Variants in GPM6A observed in about 807,000 individuals in gnomAD.
GPM6A encodes the protein neuronal membrane glycoprotein M6-a.
Under a neutral mutation model 32.1 loss-of-function variants are expected in GPM6A, and 7 were observed. The observed-to-expected ratio is 0.22, with a 90% confidence interval of 0.12 to 0.41. The LOEUF (loss-of-function observed/expected upper bound fraction) is 0.41. GPM6A is among the 10% of genes least tolerant of loss of function. The pLI is 1.00. For missense variants in GPM6A, 235 were observed against 347.2 expected (o/e 0.68, Z 2.57); for synonymous variants, 130 against 123.4 (o/e 1.05, Z -0.35).
intron 1 of GPM6A, among the ~76,000 whole-genome samples, chr4:176,001,598 T>C (rs764491338): frequency 1.5e-4 from 23 of 152,272 alleles, no homozygotes; most frequent in Non-Finnish European, 2.5e-4. Context: ...CCTGGAAACT[T>C]GAGCGAAGCT....
chr4:175,839,883 C>T (rs1182274833), intron 1 of GPM6A, among the ~76,000 whole-genome samples: 1 of 152,124 alleles, frequency 6.6e-6, no homozygotes, highest in African/African-American at 2.4e-5. Context: ...TAATATTACT[C>T]TACCATGACA....
At chr4:175,799,583 T>C (rs976146182) in intron 1 of GPM6A, among the ~76,000 whole-genome samples, 9 of 151,880 alleles carry the variant, frequency 5.9e-5, no homozygotes, top group African/African-American at 2.2e-4. Context: ...AAAGTAAAAA[T>C]GGAAATATTG....
In GPM6A at chr4:175,812,187, G is replaced by A. The variant is rs779248511; in HGVS notation, c.37+4C>T. ...GTTACAAATAAACGCTTTTAGCACA[G>A]TACCTTTTTGTGTCTGTCCCTCTTC... On this transcript the variant is annotated splice_donor_region_variant and intron_variant, in intron 1 of 6. Transcript: ENST00000393658. 3 of 1,576,704 alleles carry A rather than the reference G, an allele frequency of 1.9e-6. No individual in the cohort carries two copies. The highest frequency in any genetic ancestry group is 1.7e-6 in the Non-Finnish European group (2 of 1,152,298).
chr4:175,866,194 C>T (rs1017935360), intron 1 of GPM6A, among the ~76,000 whole-genome samples: 16 of 152,054 alleles, frequency 1.1e-4, no homozygotes, highest in Non-Finnish European at 1.8e-4. Context: ...TCCCCTTATG[C>T]CGACACATGC....
chr4:175,776,446 CTG>C (rs889300557), intron 1 of GPM6A, among the ~76,000 whole-genome samples: 2 of 152,126 alleles, frequency 1.3e-5, no homozygotes, highest in Non-Finnish European at 2.9e-5. Flanking sequence ...AAAGAGCAAA[CTG>C]TGCTGATTCA....
chr4:175,879,965 C>A (rs1737216184), intron 1 of GPM6A, among the ~76,000 whole-genome samples: 1 of 152,090 alleles, frequency 6.6e-6, no homozygotes, highest in Non-Finnish European at 1.5e-5. Context: ...CTTGCCCATG[C>A]CTATGTCCTG....
At chr4:175,903,861 A>C (rs1228975205) in intron 1 of GPM6A, among the ~76,000 whole-genome samples, 1 of 152,172 alleles carries the variant, frequency 6.6e-6, no homozygotes, top group East Asian at 1.9e-4. Flanking sequence ...TGGGACAGCC[A>C]GCCAAAGCGA....
intron 1 of GPM6A, among the ~76,000 whole-genome samples, chr4:175,905,681 T>C (rs1008018766): frequency 6.6e-5 from 10 of 152,102 alleles, no homozygotes; most frequent in African/African-American, 2.4e-4. Flanking sequence ...TATGCCAAAG[T>C]GCTATATTTT....
At chr4:175,809,512 A>G (rs1318304874) in intron 1 of GPM6A, among the ~76,000 whole-genome samples, 1 of 152,054 alleles carries the variant, frequency 6.6e-6, no homozygotes, top group African/African-American at 2.4e-5. Context: ...CCTCAGCATA[A>G]TGAGATACTC....
At chr4:175,692,460 T>A (rs1744350979) in intron 2 of GPM6A, among the ~76,000 whole-genome samples, 1 of 152,154 alleles carries the variant, frequency 6.6e-6, no homozygotes, top group African/African-American at 2.4e-5. Flanking sequence ...CTAGTGAGGA[T>A]GAACATATGC....
intron 1 of GPM6A, among the ~76,000 whole-genome samples, chr4:175,823,499 T>C (rs1735341025): frequency 6.6e-6 from 1 of 152,144 alleles, no homozygotes; most frequent in African/African-American, 2.4e-5. Flanking sequence ...GGGGTGTAAA[T>C]ACAACTTTAT....
At chr4:175,868,287 T>G (rs1736801892) in intron 1 of GPM6A, among the ~76,000 whole-genome samples, 1 of 152,226 alleles carries the variant, frequency 6.6e-6, no homozygotes, top group South Asian at 2.1e-4. Flanking sequence ...TAGGAAGTAA[T>G]GGTGATTTCC....
chr4:175,902,539 G>A (rs1351261178), intron 1 of GPM6A, among the ~76,000 whole-genome samples: 1 of 152,064 alleles, frequency 6.6e-6, no homozygotes, highest in African/African-American at 2.4e-5. Context: ...TAAGGAATAG[G>A]CAACATGGCA....
chr4:175,880,972 C>T (rs538947391), intron 1 of GPM6A, among the ~76,000 whole-genome samples: 7 of 152,092 alleles, frequency 4.6e-5, no homozygotes, highest in African/African-American at 7.2e-5. Context: ...CCAGTGGCAA[C>T]GAAAGCCAAA....
intron 1 of GPM6A, among the ~76,000 whole-genome samples, chr4:175,721,165 A>AT (rs1553981546): frequency 1.4e-5 from 2 of 145,316 alleles, no homozygotes; most frequent in African/African-American, 5.0e-5. Context: ...ATATATATAT[A>AT]TTTTCTATTT....
At chr4:175,650,401 T>C (rs375944412) in intron 4 of GPM6A, among the ~76,000 whole-genome samples, 1 of 151,978 alleles carries the variant, frequency 6.6e-6, no homozygotes, top group East Asian at 1.9e-4. Flanking sequence ...GCCTCCTGGG[T>C]TCAAGAAATT....
intron 1 of GPM6A, among the ~76,000 whole-genome samples, chr4:175,840,897 GA>G (rs1735914917): frequency 6.6e-6 from 1 of 152,128 alleles, no homozygotes; most frequent in Admixed American, 6.5e-5. Flanking sequence ...AACATTAATT[GA>G]GTTCCCGTTG....
intron 1 of GPM6A, among the ~76,000 whole-genome samples, chr4:175,894,260 A>G (rs958691823): frequency 1.2e-4 from 19 of 152,154 alleles, no homozygotes; most frequent in Admixed American, 6.6e-4. Flanking sequence ...AAAAAAAAGG[A>G]AAAGTGATAG....
chr4:175,857,919 A>G (rs915821696), intron 1 of GPM6A, among the ~76,000 whole-genome samples: 5 of 152,122 alleles, frequency 3.3e-5, no homozygotes, highest in Admixed American at 6.5e-5. Flanking sequence ...GCAGATGCCA[A>G]TTAGAAATAA....
Sources: gnomAD v4.1 joint callset for allele counts (sites outside exome capture counted in the v4.1 genomes callset) on GRCh38, gnomAD v4.1.1 for gene constraint, MANE v1.5 for transcripts, NCBI Gene and HGNC (gene_info 2026-07-23, HGNC 2026-07-21) for gene names.